The following GNAL variants were observed in gnomAD, a reference collection of about 807,000 sequenced individuals.
The protein encoded by GNAL is guanine nucleotide-binding protein G(olf) subunit alpha.
A neutral mutation model predicts 55.1 loss-of-function variants in GNAL; 18 were observed. That is an observed-to-expected ratio of 0.33 (90% confidence interval 0.23 to 0.48). The LOEUF (loss-of-function observed/expected upper bound fraction) is 0.48, where lower values mean the gene tolerates loss of function less well. GNAL is among the 20% of genes least tolerant of loss of function. GNAL has a pLI of 0.99. For synonymous variants in GNAL, 253 were observed against 237.0 expected, an observed-to-expected ratio of 1.07 and a Z score of -0.62; for missense variants, 412 against 614.1, an observed-to-expected ratio of 0.67 and a Z score of 3.48.
rs75223874 is a variant in GNAL, at chr18:11,863,341, A to T, written c.777+892A>T. ...GAAGTTAGAGGGATGTCTCTGTTCA[A>T]ACCACACTCTCCAAACTTCCCCCAG... On this transcript the variant is annotated intron_variant, in intron 6 of 11. Transcript: ENST00000334049. 7.3e-3 allele frequency among the ~76,000 whole-genome samples: 1,111 copies of T among 152,284 alleles called. 18 individuals are homozygous for T. The highest frequency in any genetic ancestry group is 0.026 in the African/African-American group (1,068 of 41,570).
chr18:11,855,104 T>A (rs1216055637), intron 5 of GNAL, among the ~76,000 whole-genome samples: 12 of 151,574 alleles, frequency 7.9e-5, no homozygotes, highest in Admixed American at 7.2e-4. Context: ...TTTTTGTTGT[T>A]GTTGTTGTTG....
intron 4 of GNAL, among the ~76,000 whole-genome samples, chr18:11,773,258 C>T (rs562770210): frequency 6.6e-6 from 1 of 152,354 alleles, no homozygotes; most frequent in African/African-American, 2.4e-5. Flanking sequence ...ACATAACATG[C>T]TCACTTACCT....
intron 4 of GNAL, among the ~76,000 whole-genome samples, chr18:11,786,835 C>T (rs1245968132): frequency 1.3e-5 from 2 of 152,066 alleles, no homozygotes; most frequent in African/African-American, 4.8e-5. Context: ...CACCTTTATA[C>T]TTCCCAATCT....
intron 5 of GNAL, among the ~76,000 whole-genome samples, chr18:11,859,678 G>A (rs2036086361): frequency 6.6e-6 from 1 of 152,138 alleles, no homozygotes; most frequent in Non-Finnish European, 1.5e-5. Context: ...TGGCTGATCA[G>A]GGTCCCTTTG....
chr18:11,735,648 A>G (rs186780427), intron 1 of GNAL, among the ~76,000 whole-genome samples: 84 of 151,814 alleles, frequency 5.5e-4, no homozygotes, highest in Admixed American at 7.9e-4. Context: ...GCTACTTGGG[A>G]GGCTGAGTTG....
At chr18:11,847,397 TC>T (rs1382931502) in intron 5 of GNAL, among the ~76,000 whole-genome samples, 2 of 149,984 alleles carry the variant, frequency 1.3e-5, no homozygotes, top group African/African-American at 2.5e-5. Flanking sequence ...TCTTTTATTT[TC>T]TTTTTTTTTT....
chr18:11,717,300 C>G (rs2031994698), intron 1 of GNAL, among the ~76,000 whole-genome samples: 1 of 152,256 alleles, frequency 6.6e-6, no homozygotes, highest in Admixed American at 6.5e-5. Context: ...CACACCTCCC[C>G]GCAAGCTGAG....
intron 5 of GNAL, chr18:11,857,025 T>A (rs1480951656): frequency 6.6e-6 from 1 of 152,184 alleles, no homozygotes; most frequent in African/African-American, 2.4e-5. Context: ...CATGTGGGGC[T>A]TCTTTCTAGA....
At chr18:11,757,825 C>T (rs890876547) in intron 4 of GNAL, among the ~76,000 whole-genome samples, 1 of 151,866 alleles carries the variant, frequency 6.6e-6, no homozygotes, top group African/African-American at 2.4e-5. Flanking sequence ...CAGTGCTGAC[C>T]GGGGAGTCAA....
chr18:11,854,654 A>C (rs1444996431), intron 5 of GNAL, among the ~76,000 whole-genome samples: 3 of 151,962 alleles, frequency 2.0e-5, no homozygotes, highest in Admixed American at 6.6e-5. Context: ...GGTGCTGCAC[A>C]CCTGTAATCT....
At chr18:11,837,350 GA>G (rs2035519315) in intron 5 of GNAL, among the ~76,000 whole-genome samples, 1 of 152,048 alleles carries the variant, frequency 6.6e-6, no homozygotes, top group Non-Finnish European at 1.5e-5. Context: ...ATAGAAGGGG[GA>G]AAATGTTTAT....
In GNAL at chr18:11,855,790, TGAA is replaced by T. The variant is rs574938112; in HGVS notation, c.723-6601_723-6599del. Reference sequence around the variant, plus strand: ...AAGTTCGAGACCAGCCTGACCAACATGAAGAAACCCCGTCTCTACTAAAAATAC... The same window carrying T: ...AAGTTCGAGACCAGCCTGACCAACATGAAACCCCGTCTCTACTAAAAATAC... On this transcript the variant is annotated intron_variant, in intron 5 of 11. Coordinates refer to ENST00000334049, the MANE Select transcript of GNAL (RefSeq NM_182978.4). Among the ~76,000 whole-genome samples the T allele has an allele frequency of 1.7e-3, 257 of 152,156 alleles. 2 individuals are homozygous for T. The highest frequency in any genetic ancestry group is 5.8e-3 in the African/African-American group (240 of 41,516).
intron 4 of GNAL, among the ~76,000 whole-genome samples, chr18:11,754,570 T>C (rs939479788): frequency 6.6e-6 from 1 of 152,170 alleles, no homozygotes; most frequent in African/African-American, 2.4e-5. Context: ...ATTAAGCAGT[T>C]TCCCAGATAA....
At chr18:11,782,372 A>G (rs1299444554) in intron 4 of GNAL, among the ~76,000 whole-genome samples, 2 of 152,218 alleles carry the variant, frequency 1.3e-5, no homozygotes, top group Non-Finnish European at 2.9e-5. Context: ...AATGACATGG[A>G]TGGATCTCAG....
At chr18:11,816,159 T>C (rs2034949038) in intron 4 of GNAL, among the ~76,000 whole-genome samples, 1 of 152,212 alleles carries the variant, frequency 6.6e-6, no homozygotes, top group African/African-American at 2.4e-5. Flanking sequence ...CTAAGACTTT[T>C]ACACAAATAG....
At chr18:11,837,830 T>G (rs2035529286) in intron 5 of GNAL, among the ~76,000 whole-genome samples, 1 of 152,208 alleles carries the variant, frequency 6.6e-6, no homozygotes, top group Non-Finnish European at 1.5e-5. Context: ...CATAGCAGCA[T>G]TATTCATAAT....
chr18:11,862,854 T>C (rs2036178425), intron 6 of GNAL, among the ~76,000 whole-genome samples: 1 of 148,856 alleles, frequency 6.7e-6, no homozygotes, highest in African/African-American at 2.5e-5. Context: ...CCCCTTTGGG[T>C]TGAGTCAAAA....
chr18:11,864,283 A>C (rs900244715), intron 6 of GNAL, among the ~76,000 whole-genome samples: 1 of 151,952 alleles, frequency 6.6e-6, no homozygotes, highest in South Asian at 2.1e-4. Context: ...TAGTAGAGAT[A>C]GGGTTTCACC....
At chr18:11,765,281 T>A (rs1218818081) in intron 4 of GNAL, among the ~76,000 whole-genome samples, 1 of 152,226 alleles carries the variant, frequency 6.6e-6, no homozygotes, top group East Asian at 1.9e-4. Context: ...GTTTTTAAAT[T>A]TTTTGATGGA....
Sources: gnomAD v4.1 joint callset for allele counts (sites outside exome capture counted in the v4.1 genomes callset) on GRCh38, gnomAD v4.1.1 for gene constraint, MANE v1.5 for transcripts, NCBI Gene and HGNC (gene_info 2026-07-23, HGNC 2026-07-21) for gene names.